The following ROR1 variants were observed in gnomAD, a reference collection of about 807,000 sequenced individuals.
ROR1 encodes inactive tyrosine-protein kinase transmembrane receptor ROR1.
Under a neutral mutation model 78.8 loss-of-function variants are expected in ROR1, and 19 were observed. The observed-to-expected ratio is 0.24, with a 90% CI of 0.17 to 0.35. The LOEUF is 0.35. Ranked by LOEUF, ROR1 falls within the 10% of genes least tolerant of loss-of-function variation. The probability of loss-of-function intolerance (pLI) is 1.00; values close to 1 mark genes in which losing one functional copy is unlikely to be tolerated. For synonymous variants in ROR1, 386 were observed against 433.6 expected (o/e 0.89, Z 1.36); for missense variants, 917 against 1,177.8 (o/e 0.78, Z 3.24).
rs530313673 is a variant in ROR1 at position 63,853,653 on chromosome 1, C to G, written c.91+79145C>G. 9.9e-5 allele frequency among the ~76,000 whole-genome samples: 15 copies of G among 152,246 alleles called. No homozygotes were observed. The East Asian group carries it at 2.9e-3, about 29-fold the overall frequency. On this transcript the variant is annotated intron_variant, in intron 1 of 8. Transcript: ENST00000371079. ...CTTTGCTCTTATATCTTGTTTCTTT[C>G]TTCAGCAAAATAGTCTGTAAATTGA... is the stretch of plus-strand genomic sequence containing the variant.
At chr1:63,984,692 T>A (rs772048987) in intron 1 of ROR1, among the ~76,000 whole-genome samples, 2 of 152,192 alleles carry the variant, frequency 1.3e-5, no homozygotes, top group Non-Finnish European at 1.5e-5. Flanking sequence ...GAATGCAGTC[T>A]CCTGGAATTG....
At chr1:64,038,770 A>C (rs1048176033) in intron 2 of ROR1, among the ~76,000 whole-genome samples, 5 of 152,208 alleles carry the variant, frequency 3.3e-5, no homozygotes, top group African/African-American at 1.2e-4. Context: ...TAGCAAAATA[A>C]AAATAGATCC....
chr1:64,045,316 A>G (rs957301309), intron 2 of ROR1, among the ~76,000 whole-genome samples: 36 of 114,648 alleles, frequency 3.1e-4, no homozygotes, highest in Non-Finnish European at 5.8e-4. Flanking sequence ...TAAGACAATA[A>G]TAGATATTCA....
At chr1:63,858,889 C>T (rs764974508) in intron 1 of ROR1, among the ~76,000 whole-genome samples, 9 of 152,172 alleles carry the variant, frequency 5.9e-5, no homozygotes, top group Non-Finnish European at 1.0e-4. Context: ...AATGTATACT[C>T]ACATGTTTGA....
chr1:63,872,765 A>C (rs1645260310), intron 1 of ROR1, among the ~76,000 whole-genome samples: 1 of 152,142 alleles, frequency 6.6e-6, no homozygotes, highest in Non-Finnish European at 1.5e-5. Flanking sequence ...ATCAAATACA[A>C]ATGGTTTTTG....
intron 8 of ROR1, among the ~76,000 whole-genome samples, chr1:64,174,399 A>C (rs2100743167): frequency 6.6e-6 from 1 of 152,306 alleles, no homozygotes; most frequent in Non-Finnish European, 1.5e-5. Context: ...ATTATTCATA[A>C]AAAGCAGCAG....
chr1:63,887,939 A>G (rs139436520), intron 1 of ROR1, among the ~76,000 whole-genome samples: 3,521 of 152,234 alleles, frequency 0.023, 76 homozygotes, highest in African/African-American at 0.053. Flanking sequence ...GATGTGTACC[A>G]TTTTTTCTAT....
At chr1:63,997,466 A>T (rs1646346410) in intron 1 of ROR1, among the ~76,000 whole-genome samples, 2 of 152,330 alleles carry the variant, frequency 1.3e-5, no homozygotes, top group African/African-American at 4.8e-5. Context: ...GAGCTGTCTC[A>T]ATGTTGAGGT....
intron 1 of ROR1, among the ~76,000 whole-genome samples, chr1:63,935,041 T>G (rs931028883): frequency 2.0e-5 from 3 of 151,178 alleles, no homozygotes; most frequent in Non-Finnish European, 3.0e-5. Context: ...TTTTTTTTTT[T>G]GGGTAGAGGG....
chr1:64,123,969 A>G (rs574086064), intron 4 of ROR1, among the ~76,000 whole-genome samples: 3 of 152,210 alleles, frequency 2.0e-5, no homozygotes, highest in Non-Finnish European at 2.9e-5. Flanking sequence ...GATAAGTTGA[A>G]TATAATGGTA....
intron 5 of ROR1, 99 bp downstream of exon 5, chr1:64,137,595 C>A: frequency 8.3e-7 from 1 of 1,211,642 alleles, no homozygotes; most frequent in Non-Finnish European, 1.2e-6. Context: ...TTAAGCTCAG[C>A]ATGGAGGTTG....
At chr1:63,892,255 A>T (rs1042313571) in intron 1 of ROR1, among the ~76,000 whole-genome samples, 2 of 152,164 alleles carry the variant, frequency 1.3e-5, no homozygotes, top group African/African-American at 4.8e-5. Context: ...GCAAAGATAG[A>T]TGTGTACGGG....
At chr1:64,022,521 A>G (rs547973358) in intron 2 of ROR1, among the ~76,000 whole-genome samples, 1 of 152,288 alleles carries the variant, frequency 6.6e-6, no homozygotes, top group Admixed American at 6.5e-5. Flanking sequence ...TGAATTTAAC[A>G]TTGCAACGCT....
In ROR1 at chr1:63,955,997, G is replaced by C. The variant is rs146402634; in HGVS notation, c.92-53308G>C. On this transcript the variant is annotated intron_variant, in intron 1 of 8. Transcript: ENST00000371079. ...CAGAAGGGCAGCTGCAGCACTCCCT[G>C]CACCTGGTGACTCGCTCTGCTGGCC... Among the ~76,000 whole-genome samples, 864 of 152,274 alleles carry C rather than the reference G, an allele frequency of 5.7e-3. 6 individuals are homozygous for C. Among genetic ancestry groups the C allele is most frequent in the African/African-American group, 0.02 (834 of 41,562 alleles).
At chr1:63,785,619 T>C (rs569043467) in intron 1 of ROR1, among the ~76,000 whole-genome samples, 31 of 151,366 alleles carry the variant, frequency 2.0e-4, no homozygotes, top group Non-Finnish European at 3.8e-4. Flanking sequence ...GCCTCCTGGG[T>C]TTTTTAAGTG....
intron 1 of ROR1, among the ~76,000 whole-genome samples, chr1:63,980,427 A>G (rs1170822364): frequency 6.6e-6 from 1 of 152,210 alleles, no homozygotes; most frequent in Non-Finnish European, 1.5e-5. Flanking sequence ...AATGTAAATT[A>G]CTGCTGTTCA....
chr1:63,965,439 T>C (rs1382762656), intron 1 of ROR1, among the ~76,000 whole-genome samples: 2 of 152,212 alleles, frequency 1.3e-5, no homozygotes, highest in Admixed American at 1.3e-4. Context: ...TTTCTGCATT[T>C]AACATCTCCC....
intron 1 of ROR1, among the ~76,000 whole-genome samples, chr1:63,865,755 A>G (rs1645211810): frequency 6.6e-6 from 1 of 152,220 alleles, no homozygotes; most frequent in South Asian, 2.1e-4. Flanking sequence ...GCGGGCACTA[A>G]ACAAATATTT....
At chr1:64,139,048 T>A (rs1473995856) in intron 5 of ROR1, among the ~76,000 whole-genome samples, 1 of 151,408 alleles carries the variant, frequency 6.6e-6, no homozygotes, top group Non-Finnish European at 1.5e-5. Flanking sequence ...ATGCCTGTAG[T>A]CCCAGCTATG....
Sources: allele counts gnomAD v4.1 joint callset (sites outside exome capture counted in the v4.1 genomes callset), GRCh38; gene constraint gnomAD v4.1.1; transcripts MANE v1.5; gene names NCBI Gene and HGNC (gene_info 2026-07-23, HGNC 2026-07-21).